PKIB: variants seen among roughly 807,000 people sequenced by gnomAD.
PKIB encodes the protein PKI-beta.
Under a neutral mutation model 4.5 loss-of-function variants are expected in PKIB, and 2 were observed. The ratio of observed to expected loss-of-function variants is 0.44; its 90% confidence interval spans 0.18 to 1.39. The LOEUF is 1.39. PKIB is among the 40% of genes most tolerant of loss of function. The pLI, the probability that PKIB is intolerant of heterozygous loss-of-function variation, is 0.27. For missense variants in PKIB, 94 were observed against 92.6 expected (o/e 1.02, Z -0.06); for synonymous variants, 38 against 36.0 (o/e 1.06, Z -0.20).
intron 2 of PKIB, among the ~76,000 whole-genome samples, chr6:122,647,397 G>A (rs934051977): frequency 1.2e-4 from 18 of 152,160 alleles, no homozygotes; most frequent in African/African-American, 4.1e-4. Flanking sequence ...TCAGGTTGAC[G>A]CATGAAGCTG....
chr6:122,708,977 C>G (rs1031609656), intron 3 of PKIB, among the ~76,000 whole-genome samples: 9 of 152,266 alleles, frequency 5.9e-5, no homozygotes, highest in African/African-American at 2.2e-4. Context: ...GAGGCTGTCT[C>G]TAGAGCCACG....
intron 2 of PKIB, among the ~76,000 whole-genome samples, chr6:122,569,290 C>G (rs1232707166): frequency 1.3e-5 from 2 of 152,196 alleles, no homozygotes; most frequent in Non-Finnish European, 2.9e-5. Flanking sequence ...AGGGCAAACT[C>G]AAATCCTGCT....
chr6:122,709,858 C>G (rs1779203327), intron 3 of PKIB, among the ~76,000 whole-genome samples: 1 of 152,134 alleles, frequency 6.6e-6, no homozygotes. Context: ...TGAGTTTTTG[C>G]AGCAACTACT....
intron 1 of PKIB, chr6:122,472,053 A>C: frequency 2.3e-6 from 1 of 438,138 alleles, no homozygotes; most frequent in Non-Finnish European, 4.1e-6. Context: ...TGTGAGCAAA[A>C]CCCACCTTTA....
At position 122,725,165 on chromosome 6, in the gene PKIB, A is replaced by T. The variant is rs1182748530; in HGVS notation, c.207A>T (p.Gln69His). The change falls in exon 5 of 5, where the codon CAA becomes CAT. Residue 69 changes from glutamine (Q) to histidine (H), a missense_variant. Transcript: ENST00000368452. ...AAGATGAAAAAACAACACAAGACCA[A>T]TTGGAAAAGCCTCAAAATGAAGAAA... ...KEKDEKTTQDQLEKPQNEEK is the reference protein window; with the variant it reads ...KEKDEKTTQDHLEKPQNEEK The T allele has an allele frequency of 3.1e-6, 5 of 1,611,830 alleles. No individual in the cohort carries two copies. The highest frequency in any genetic ancestry group is 4.2e-6 in the Non-Finnish European group (5 of 1,179,192).
At chr6:122,685,126 T>C (rs558138895) in intron 3 of PKIB, among the ~76,000 whole-genome samples, 7 of 152,160 alleles carry the variant, frequency 4.6e-5, no homozygotes, top group African/African-American at 1.4e-4. Context: ...AGGAACTGGA[T>C]CCTATCACTA....
At chr6:122,680,842 A>T (rs898081102) in intron 3 of PKIB, among the ~76,000 whole-genome samples, 1 of 152,202 alleles carries the variant, frequency 6.6e-6, no homozygotes, top group Non-Finnish European at 1.5e-5. Context: ...ACTTTTTAAA[A>T]TTCAGTTTTG....
intron 3 of PKIB, among the ~76,000 whole-genome samples, chr6:122,681,641 G>A (rs1469058514): frequency 6.6e-6 from 1 of 152,090 alleles, no homozygotes; most frequent in Admixed American, 6.5e-5. Context: ...CTTGGAAATG[G>A]CAACTATAAA....
chr6:122,654,303 T>G (rs1776684281), intron 2 of PKIB, among the ~76,000 whole-genome samples: 1 of 152,178 alleles, frequency 6.6e-6, no homozygotes, highest in African/African-American at 2.4e-5. Context: ...TAAGATCATG[T>G]TTGTGTAAAG....
Position 122,594,112 on chromosome 6 carries a change from C to A in PKIB, c.-161+8105C>A, listed in dbSNP as rs565724091. On this transcript the variant is annotated intron_variant, in intron 3 of 6. Transcript: ENST00000392491. ...CAACCAGAAATGCACCAATCCCCAA[C>A]CCAAAAGCTATTACATAAAGTTAAC... Among the ~76,000 whole-genome samples the A allele has an allele frequency of 2.0e-5, 3 of 152,204 alleles. No homozygotes were observed. In the South Asian group the frequency reaches 6.2e-4, roughly 32 times the overall value.
chr6:122,596,681 G>T (rs1224748714), intron 3 of PKIB, among the ~76,000 whole-genome samples: 1 of 152,152 alleles, frequency 6.6e-6, no homozygotes, highest in East Asian at 1.9e-4. Context: ...AGATGGCAGG[G>T]CCTTGCTCCA....
chr6:122,584,417 A>G (rs1476194019), intron 2 of PKIB, among the ~76,000 whole-genome samples: 4 of 152,156 alleles, frequency 2.6e-5, no homozygotes, highest in East Asian at 1.9e-4. Context: ...TAGAATTTCA[A>G]TGAGGTGTTT....
At chr6:122,476,511 T>C (rs1775454402) in intron 1 of PKIB, among the ~76,000 whole-genome samples, 1 of 152,176 alleles carries the variant, frequency 6.6e-6, no homozygotes, top group Non-Finnish European at 1.5e-5. Context: ...CAATATTCTT[T>C]CCACACAGAT....
chr6:122,689,988 C>T (rs1357265805), intron 3 of PKIB, among the ~76,000 whole-genome samples: 1 of 151,986 alleles, frequency 6.6e-6, no homozygotes, highest in African/African-American at 2.4e-5. Flanking sequence ...GCTTAATAGA[C>T]CCCTTTATCA....
intron 3 of PKIB, among the ~76,000 whole-genome samples, chr6:122,676,493 T>C (rs1337501198): frequency 6.6e-6 from 1 of 152,184 alleles, no homozygotes; most frequent in Non-Finnish European, 1.5e-5. Context: ...GAGTGGGCTC[T>C]TCAATAGCTG....
At chr6:122,600,975 GAAGA>G (rs1774345639) in intron 3 of PKIB, among the ~76,000 whole-genome samples, 1 of 151,842 alleles carries the variant, frequency 6.6e-6, no homozygotes, top group East Asian at 1.9e-4. Context: ...TAGAGATACG[GAAGA>G]TATGGAAAAA....
At chr6:122,561,997 T>TTG (rs1773038077) in intron 2 of PKIB, among the ~76,000 whole-genome samples, 1 of 135,414 alleles carries the variant, frequency 7.4e-6, no homozygotes, top group Non-Finnish European at 1.5e-5. Context: ...TGTTTTTGTT[T>TTG]TTTTTTGTTT....
At chr6:122,628,121 C>T (rs905317070) in intron 1 of PKIB, among the ~76,000 whole-genome samples, 11 of 151,198 alleles carry the variant, frequency 7.3e-5, no homozygotes, top group Non-Finnish European at 2.9e-5. Flanking sequence ...ACCGCAACCT[C>T]CACCTCCCAG....
chr6:122,673,957 G>C (rs1777566585), intron 2 of PKIB, among the ~76,000 whole-genome samples: 1 of 152,180 alleles, frequency 6.6e-6, no homozygotes, highest in Non-Finnish European at 1.5e-5. Context: ...TGCCCAAGTT[G>C]ACCCAGAAGA....
Sources: gnomAD v4.1 joint callset for allele counts (sites outside exome capture counted in the v4.1 genomes callset) on GRCh38, gnomAD v4.1.1 for gene constraint, MANE v1.5 for transcripts, NCBI Gene and HGNC (gene_info 2026-07-23, HGNC 2026-07-21) for gene names.